TRRAP: variants seen among roughly 807,000 people sequenced by gnomAD.
TRRAP encodes the protein transformation/transcription domain-associated protein.
Under a neutral mutation model 438.8 loss-of-function variants are expected in TRRAP, and 41 were observed. That is an observed-to-expected ratio of 0.09 (90% CI 0.07 to 0.12). The LOEUF (loss-of-function observed/expected upper bound fraction) is 0.12, where lower values mean the gene tolerates loss of function less well. Ranked by LOEUF, TRRAP falls within the 10% of genes least tolerant of loss-of-function variation. The probability of loss-of-function intolerance (pLI) is 1.00; values close to 1 mark genes in which losing one functional copy is unlikely to be tolerated. For missense variants in TRRAP, 3,122 were observed against 5,055.1 expected (o/e 0.62, Z 11.60); for synonymous variants, 1,994 against 1,962.9 (o/e 1.02, Z -0.42).
In TRRAP at chr7:98,984,146, G is replaced by A; in HGVS notation, c.9076G>A (p.Ala3026Thr). The A allele has an allele frequency of 3.1e-6, 5 of 1,613,906 alleles. No homozygotes were observed. The highest frequency in any genetic ancestry group is 3.4e-6 in the Non-Finnish European group (4 of 1,179,900). Residue 3026 changes from alanine to threonine, a missense_variant, in exon 61 of 73, where the codon GCT (alanine) becomes ACT (threonine). Transcript: ENST00000456197. Reference protein sequence around the residue: ...SSQHDPSSNNAMLGVHASASA... With the variant: ...SSQHDPSSNNTMLGVHASASA... ...TCAGCATGATCCCAGTTCAAATAAC[G>A]CTATGCTTGGGGTTCATGCATCAGC...
intron 51 of TRRAP, among the ~76,000 whole-genome samples, chr7:98,968,763 TG>T (rs1405994110): frequency 1.3e-5 from 2 of 152,212 alleles, no homozygotes; most frequent in African/African-American, 4.8e-5. Context: ...CCTGCTAGCA[TG>T]TTTCCTGTTC....
intron 23 of TRRAP, 54 bp downstream of exon 23, chr7:98,927,420 G>A (rs1386466364): frequency 2.0e-5 from 32 of 1,577,032 alleles, no homozygotes; most frequent in Non-Finnish European, 2.7e-5. Flanking sequence ...TTTTATAGGT[G>A]CTTTAAAAAC....
chr7:98,971,741 T>A, intron 52 of TRRAP, 58 bp from the exon 53 acceptor site: 2 of 1,572,690 alleles, frequency 1.3e-6, no homozygotes, highest in Non-Finnish European at 1.7e-6. Flanking sequence ...GAGGTGTGTT[T>A]GTTGGGTTTT....
chr7:98,897,793 C>G lies in TRRAP; in HGVS notation c.560C>G (p.Pro187Arg), dbSNP rs782039504. 3 of 1,613,978 alleles carry G rather than the reference C, an allele frequency of 1.9e-6. No homozygotes were observed. The highest frequency in any genetic ancestry group is 1.7e-5 in the Admixed American group (1 of 59,994). ...ATCCCCGAGAACACAGTGCCTCCCCCAGAAATGGTTGGTATGATAACAACG... is the reference window on the plus strand; with the variant it reads ...ATCCCCGAGAACACAGTGCCTCCCCGAGAAATGGTTGGTATGATAACAACG... ...QVIPENTVPP[P>R]EMVGMITTIA... Residue 187 changes from proline (P) to arginine (R), a missense_variant, in exon 8 of 73, where the codon CCA becomes CGA. Pro to Arg is a moderately radical substitution (Grantham distance 103). Around this residue, in one of 24 missense-constraint regions of TRRAP, gnomAD observed 343 missense variants for 564.0 expected, o/e 0.61. Transcript: ENST00000456197.
chr7:98,987,676 C>G (rs1793211349), intron 62 of TRRAP, among the ~76,000 whole-genome samples: 1 of 152,140 alleles, frequency 6.6e-6, no homozygotes, highest in Admixed American at 6.5e-5. Flanking sequence ...CCTTTTATTT[C>G]TTTTTCTTCC....
rs78658185 is a variant in TRRAP at position 98,956,116 on chromosome 7, T to TC, written c.5938-28dup. 0.91 allele frequency: 1,459,243 copies of TC among 1,599,134 alleles called. 666,832 individuals are homozygous for TC. The highest frequency in any genetic ancestry group is 0.93 in the South Asian group (84,075 of 90,392). On this transcript the variant is annotated intron_variant, in intron 41 of 72. Coordinates refer to ENST00000456197, the MANE Select transcript of TRRAP (RefSeq NM_001375524.1). The surrounding 1 kb of genome is among the most constrained non-coding windows in gnomAD (Gnocchi z 4.5). Reference sequence around the variant, plus strand: ...GCACTGTGGGACCAAGCTCCCATGTTCCGGCGTGATGCTGGCCCTGCGTCC... The same window carrying TC: ...GCACTGTGGGACCAAGCTCCCATGTTCCCGGCGTGATGCTGGCCCTGCGTCC...
At chr7:99,003,793 G>A (rs966327021) in intron 67 of TRRAP, among the ~76,000 whole-genome samples, 1 of 152,256 alleles carries the variant, frequency 6.6e-6, no homozygotes, top group African/African-American at 2.4e-5. Flanking sequence ...GCTGGGCATA[G>A]TGGTTCACGC....
At chr7:98,883,404 C>T (rs1795549999) in intron 3 of TRRAP, among the ~76,000 whole-genome samples, 1 of 152,158 alleles carries the variant, frequency 6.6e-6, no homozygotes, top group African/African-American at 2.4e-5. Flanking sequence ...ATGTTTTGAA[C>T]ATATTTACTG....
chr7:98,941,958 A>G (rs1490483279), intron 30 of TRRAP, among the ~76,000 whole-genome samples: 2 of 152,196 alleles, frequency 1.3e-5, no homozygotes, highest in Non-Finnish European at 2.9e-5. Flanking sequence ...TACTATGGAA[A>G]CCTTTTTAAA....
intron 51 of TRRAP, among the ~76,000 whole-genome samples, chr7:98,968,443 T>TA (rs951718549): frequency 1.3e-4 from 20 of 152,328 alleles, no homozygotes; most frequent in African/African-American, 4.1e-4. Context: ...TGCTCAGTGT[T>TA]ATGAAAGCGA....
intron 66 of TRRAP, 130 bp downstream of exon 66, chr7:98,993,867 A>T (rs765217103): frequency 1.1e-5 from 10 of 883,920 alleles, no homozygotes; most frequent in Non-Finnish European, 1.4e-5. Context: ...GAACTTAACC[A>T]TGGACCAGGC....
intron 31 of TRRAP, among the ~76,000 whole-genome samples, chr7:98,945,084 C>T (rs375507291): frequency 1.3e-5 from 2 of 152,162 alleles, no homozygotes; most frequent in Non-Finnish European, 2.9e-5. Context: ...GGATTACAGG[C>T]GTGAGTGACA....
intron 44 of TRRAP, among the ~76,000 whole-genome samples, chr7:98,959,126 A>G (rs976376675): frequency 6.6e-6 from 1 of 152,046 alleles, no homozygotes; most frequent in Non-Finnish European, 1.5e-5. Flanking sequence ...GCAGGTCACC[A>G]CGGATGCGCT....
chr7:98,909,814 A>G (rs1796981086), intron 14 of TRRAP, among the ~76,000 whole-genome samples: 1 of 152,148 alleles, frequency 6.6e-6, no homozygotes, highest in Non-Finnish European at 1.5e-5. Context: ...CACGTGGCAC[A>G]AAGGAGGTGC....
chr7:98,968,622 G>T (rs1460798808), intron 51 of TRRAP, among the ~76,000 whole-genome samples: 5 of 152,104 alleles, frequency 3.3e-5, no homozygotes, highest in Non-Finnish European at 7.4e-5. Context: ...GGTAGTTCTC[G>T]TCCATTTACC....
Position 98,958,077 on chromosome 7 carries a change from C to T in TRRAP, c.6328C>T (p.Arg2110Cys). The T allele has an allele frequency of 6.2e-7, 1 of 1,614,046 alleles. No individual in the cohort carries two copies. The highest frequency in any genetic ancestry group is 8.5e-7 in the Non-Finnish European group (1 of 1,179,974). The change falls in exon 44 of 73, where the codon CGC (arginine) becomes TGC (cysteine). Residue 2110 changes from arginine (R) to cysteine (C), a missense_variant. Coordinates refer to ENST00000456197, the MANE Select transcript of TRRAP (RefSeq NM_001375524.1). ...AGACACTGTGGTGAACTTCCTTATCCGCGTGGCCTGTCAGGTACGGGATCC... is the reference window on the plus strand; with the variant it reads ...AGACACTGTGGTGAACTTCCTTATCTGCGTGGCCTGTCAGGTACGGGATCC... ...HTDTVVNFLIRVACQVNDNTN... is the reference protein window; with the variant it reads ...HTDTVVNFLICVACQVNDNTN...
intron 12 of TRRAP, 48 bp from the exon 13 acceptor site, chr7:98,906,129 T>G: frequency 6.5e-7 from 1 of 1,543,906 alleles, no homozygotes; most frequent in Non-Finnish European, 8.9e-7. Flanking sequence ...ATTTAATGTG[T>G]GTAATTGGTT....
Position 98,949,769 on chromosome 7 carries a change from G to T in TRRAP, c.5063G>T (p.Arg1688Leu). 6.2e-7 allele frequency: 1 copy of T among 1,613,888 alleles called. No homozygotes were observed. Among genetic ancestry groups the T allele is most frequent in the East Asian group, 2.2e-5 (1 of 44,888 alleles). ...WVSENFQERH[R>L]KENMAATNWK... ...AGTGAGAACTTCCAAGAGAGGCACCGCAAGGAGAACATGGCAGCCACCAAC... is the reference window on the plus strand; with the variant it reads ...AGTGAGAACTTCCAAGAGAGGCACCTCAAGGAGAACATGGCAGCCACCAAC... Residue 1688 changes from arginine (R) to leucine (L), a missense_variant, in exon 37 of 73, where the codon CGC (arginine) becomes CTC (leucine). Transcript: ENST00000456197.
intron 33 of TRRAP, among the ~76,000 whole-genome samples, chr7:98,946,481 TCACACCACACATGCACA>T (rs1188169940): frequency 4.8e-4 from 63 of 130,396 alleles, no homozygotes; most frequent in Middle Eastern, 5.5e-3. Flanking sequence ...ACACGTGCAC[TCACACCACACATGCACA>T]CACACCACAC....
Sources: gnomAD v4.1 joint callset for allele counts (sites outside exome capture counted in the v4.1 genomes callset) on GRCh38, gnomAD v4.1.1 for gene constraint, gnomAD v4.1.1 regional missense constraint, Gnocchi (gnomAD v3.1) non-coding constraint, MANE v1.5 for transcripts, NCBI Gene and HGNC (gene_info 2026-07-23, HGNC 2026-07-21) for gene names.